RASA3: variants seen among roughly 807,000 people sequenced by gnomAD.
RASA3 encodes RAS p21 protein activator 3, also known as ras GTPase-activating protein 3.
RASA3 carries 73 observed loss-of-function variants against 110.0 expected under a neutral mutation model. That is an observed-to-expected ratio of 0.66 (90% CI 0.55 to 0.81). RASA3 has a LOEUF of 0.81. Among genes scored for constraint, RASA3 ranks in the 30% least tolerant of loss-of-function variants. RASA3 has a pLI of 0.00. For missense variants in RASA3, 976 were observed against 1,113.2 expected (o/e 0.88, Z 1.75); for synonymous variants, 500 against 451.4 (o/e 1.11, Z -1.37).
chr13:114,013,609 T>TC (rs1398982281), intron 14 of RASA3, among the ~76,000 whole-genome samples: 1 of 103,722 alleles, frequency 9.6e-6, no homozygotes, highest in Non-Finnish European at 1.9e-5. Context: ...TCTGGCTCTC[T>TC]CCCCCCCTCC....
chr13:114,105,409 G>A (rs1027857439), intron 1 of RASA3, among the ~76,000 whole-genome samples: 1 of 152,152 alleles, frequency 6.6e-6, no homozygotes, highest in Non-Finnish European at 1.5e-5. Context: ...AAGGGGTGCC[G>A]CAGAGCTCTG....
intron 1 of RASA3, 55 bp from the exon 2 acceptor site, chr13:114,073,892 C>T (rs999618028): frequency 2.8e-6 from 4 of 1,414,990 alleles, no homozygotes; most frequent in Non-Finnish European, 4.0e-6. Flanking sequence ...TTGTTCCCTG[C>T]TACATCGCAG....
chr13:114,049,543 T>C (rs561323183), intron 3 of RASA3, among the ~76,000 whole-genome samples: 32 of 152,374 alleles, frequency 2.1e-4, no homozygotes, highest in African/African-American at 7.0e-4. Flanking sequence ...TCTTTTTCCT[T>C]AGGGTTGTCG....
At chr13:114,012,262 G>A (rs982904465) in intron 15 of RASA3, among the ~76,000 whole-genome samples, 8 of 151,780 alleles carry the variant, frequency 5.3e-5, no homozygotes, top group East Asian at 1.9e-4. Context: ...TAAATAGGTC[G>A]GTGAACCACC....
chr13:114,103,051 C>T (rs545583608), intron 1 of RASA3, among the ~76,000 whole-genome samples: 4 of 152,282 alleles, frequency 2.6e-5, no homozygotes, highest in African/African-American at 7.2e-5. Flanking sequence ...TGGGCAGCTC[C>T]GGTGCAGCCG....
chr13:114,120,062 G>A (rs1425539049), intron 1 of RASA3, among the ~76,000 whole-genome samples: 2 of 122,424 alleles, frequency 1.6e-5, no homozygotes, highest in South Asian at 5.6e-4. Flanking sequence ...CTCCAGCCAG[G>A]CGTCGATCAG....
At position 114,022,608 on chromosome 13, in the gene RASA3, G is replaced by A. The variant is rs147676597; in HGVS notation, c.681-1100C>T. On this transcript the variant is annotated intron_variant, in intron 8 of 23. Transcript: ENST00000334062. ...CCACAGAGGCACTGGCATCTGGGCCGGGGAGGGCTGACAGGCTGCACAGGA... is the reference window on the plus strand; with the variant it reads ...CCACAGAGGCACTGGCATCTGGGCCAGGGAGGGCTGACAGGCTGCACAGGA... Among the ~76,000 whole-genome samples, 1,259 of 152,320 alleles carry A rather than the reference G, an allele frequency of 8.3e-3. 23 individuals are homozygous for A. The highest frequency in any genetic ancestry group is 0.028 in the African/African-American group (1,182 of 41,560).
In RASA3 at chr13:113,996,557, C is replaced by T. The variant is rs746078734; in HGVS notation, c.2115G>A (p.Ser705=). ...CAGTGCAGGGCGAGCAGCCCGGAGC[C>T]GAGTCGGATGGCGCCCTACAGCACA... ...HWLCCRAPSD[S]APGCSPCTGG... is the part of the protein sequence containing the mutation. Residue 705 remains serine, a synonymous_variant, in exon 21 of 24, where the codon TCG becomes TCA. Transcript: ENST00000334062. 3.8e-5 allele frequency: 61 copies of T among 1,612,814 alleles called. No homozygotes were observed. The highest frequency in any genetic ancestry group is 5.3e-5 in the African/African-American group (4 of 74,942).
chr13:113,979,794 A>G (rs983364826), intron 23 of RASA3, among the ~76,000 whole-genome samples: 3 of 152,136 alleles, frequency 2.0e-5, no homozygotes, highest in African/African-American at 7.2e-5. Flanking sequence ...GATCTGTCCC[A>G]GTGCTGGGAC....
chr13:114,073,020 C>T (rs542186750), intron 2 of RASA3, among the ~76,000 whole-genome samples: 4 of 142,346 alleles, frequency 2.8e-5, no homozygotes, highest in Admixed American at 7.1e-5. Flanking sequence ...GAAAATGGGA[C>T]GGTGATGTCC....
intron 4 of RASA3, among the ~76,000 whole-genome samples, chr13:114,031,194 T>C (rs1385400991): frequency 1.3e-5 from 2 of 151,502 alleles, no homozygotes; most frequent in East Asian, 3.9e-4. Flanking sequence ...CATGTGGCTA[T>C]GTGTCTGTGT....
At chr13:114,045,386 C>T (rs2079036418) in intron 3 of RASA3, among the ~76,000 whole-genome samples, 1 of 152,140 alleles carries the variant, frequency 6.6e-6, no homozygotes, top group Admixed American at 6.5e-5. Flanking sequence ...TGGCCAGGCC[C>T]GTTCAGAAAG....
rs2052814390 is a variant in RASA3 at position 113,978,042 on chromosome 13, A to C, written c.*1305T>G. 1 of 152,212 alleles carries C rather than the reference A, an allele frequency of 6.6e-6. No homozygotes were observed. The highest frequency in any genetic ancestry group is 6.5e-5 in the Admixed American group (1 of 15,284). 9.4% of individuals were successfully genotyped at this position (152,212 alleles called of 1,614,324 possible). ...ACAAGAACCGGGAGAAGTCGGTACA[A>C]GGATACGTCGTGCTGTGTATTTAAA... On this transcript the variant is annotated 3_prime_UTR_variant, in exon 24 of 24. Coordinates refer to ENST00000334062, the MANE Select transcript of RASA3 (RefSeq NM_007368.4).
In RASA3 at chr13:113,999,584, C is replaced by T. The variant is rs752789324; in HGVS notation, c.1932+1G>A. 10 of 1,613,102 alleles carry T rather than the reference C, an allele frequency of 6.2e-6. No homozygotes were observed. The Admixed American group carries it at 1.2e-4, about 19-fold the overall frequency. On this transcript the variant is annotated splice_donor_variant, in intron 20 of 23. Coordinates refer to ENST00000334062, the MANE Select transcript of RASA3 (RefSeq NM_007368.4). LOFTEE classifies it high-confidence loss of function. ...GAGAGGCTTGGGGGCCCCACACTCA[C>T]GTTTTTCATTTTGAAAGACTCCTCC...
chr13:114,104,814 C>T (rs548411722), intron 1 of RASA3, among the ~76,000 whole-genome samples: 7 of 152,092 alleles, frequency 4.6e-5, no homozygotes, highest in African/African-American at 1.7e-4. Flanking sequence ...GGGCTACCGC[C>T]TCCCCAGCCC....
chr13:114,000,511 C>T (rs1594297357), intron 19 of RASA3, among the ~76,000 whole-genome samples: 2 of 152,184 alleles, frequency 1.3e-5, no homozygotes, highest in African/African-American at 4.8e-5. Flanking sequence ...CGGAGCGGCA[C>T]CCTGGCCATG....
rs148651994 is a variant in RASA3, at chr13:113,999,606, C to T, written c.1911G>A (p.Glu637=). 3,447 of 1,613,234 alleles carry T rather than the reference C, an allele frequency of 2.1e-3. 8 individuals carry two copies. Among genetic ancestry groups the T allele is most frequent in the Admixed American group, 3.9e-3 (236 of 59,960 alleles). ...ENILAVEKLE[E]ESFKMKNMFQ... ...TCACGTTTTTCATTTTGAAAGACTC[C>T]TCCTCCAGCTTCTCCACTGCCAGGA... The change falls in exon 20 of 24, where the codon GAG becomes GAA. Residue 637 remains glutamate, a synonymous_variant. Transcript: ENST00000334062.
intron 3 of RASA3, among the ~76,000 whole-genome samples, chr13:114,045,695 A>G (rs1488173778): frequency 6.6e-6 from 1 of 152,268 alleles, no homozygotes; most frequent in Admixed American, 6.5e-5. Context: ...CAGAGAACAC[A>G]AAGTCAGTGT....
intron 2 of RASA3, among the ~76,000 whole-genome samples, chr13:114,069,205 C>T (rs1045460230): frequency 5.3e-5 from 8 of 152,016 alleles, no homozygotes; most frequent in African/African-American, 1.2e-4. Flanking sequence ...CTAAGTCAGA[C>T]GGCGATATTG....
Sources: gnomAD v4.1 joint callset for allele counts (sites outside exome capture counted in the v4.1 genomes callset) on GRCh38, gnomAD v4.1.1 for gene constraint, MANE v1.5 for transcripts, NCBI Gene and HGNC (gene_info 2026-07-23, HGNC 2026-07-21) for gene names.